The following SLC6A11 variants were observed in gnomAD, a reference collection of about 807,000 sequenced individuals.
The protein encoded by SLC6A11 is sodium- and chloride-dependent GABA transporter 3.
Under a neutral mutation model 74.8 loss-of-function variants are expected in SLC6A11, and 25 were observed. The ratio of observed to expected loss-of-function variants is 0.33; its 90% CI spans 0.24 to 0.47. The LOEUF is 0.47. Among genes scored for constraint, SLC6A11 ranks in the 20% least tolerant of loss-of-function variants. The pLI, the probability that SLC6A11 is intolerant of heterozygous loss-of-function variation, is 1.00. For missense variants in SLC6A11, 574 were observed against 837.0 expected (o/e 0.69, Z 3.88); for synonymous variants, 330 against 330.2 (o/e 1.00, Z 0.01).
At chr3:10,934,888 C>T in intron 12 of SLC6A11, 141 bp from the exon 13 acceptor site, 1 of 714,776 alleles carries the variant, frequency 1.4e-6, no homozygotes, top group Non-Finnish European at 2.4e-6. Flanking sequence ...CCTGGCAGGG[C>T]CTCACTTTTC....
intron 7 of SLC6A11, 141 bp downstream of exon 7, chr3:10,912,334 G>A (rs1434454437): frequency 7.7e-6 from 5 of 647,576 alleles, no homozygotes; most frequent in African/African-American, 1.8e-5. Flanking sequence ...TCCCACTACC[G>A]AAGGGTCAAA....
At chr3:10,850,367 C>T (rs951583496) in intron 5 of SLC6A11, among the ~76,000 whole-genome samples, 9 of 152,230 alleles carry the variant, frequency 5.9e-5, no homozygotes, top group African/African-American at 2.2e-4. Context: ...CATTCACTCA[C>T]CCAGCAAGTG....
chr3:10,888,547 A>C (rs1695070822), intron 6 of SLC6A11, among the ~76,000 whole-genome samples: 2 of 152,236 alleles, frequency 1.3e-5, no homozygotes, highest in Non-Finnish European at 1.5e-5. Flanking sequence ...CACAGTAAGG[A>C]GACAGTGGAG....
intron 1 of SLC6A11, 22 bp from the exon 2 acceptor site, chr3:10,819,443 T>TCATTCCTTTGC: frequency 6.3e-7 from 1 of 1,599,064 alleles, no homozygotes; most frequent in Non-Finnish European, 8.5e-7. Context: ...AGTTTTCATT[T>TCATTCCTTTGC]CATTCCTTTG....
intron 5 of SLC6A11, among the ~76,000 whole-genome samples, chr3:10,864,272 TG>T (rs1387207974): frequency 1.3e-5 from 2 of 151,594 alleles, no homozygotes; most frequent in African/African-American, 4.8e-5. Context: ...AGCTCTTAGA[TG>T]TTAGATTTCT....
intron 4 of SLC6A11, among the ~76,000 whole-genome samples, chr3:10,830,351 G>C (rs1229063305): frequency 6.6e-6 from 1 of 152,210 alleles, no homozygotes; most frequent in Non-Finnish European, 1.5e-5. Context: ...TTAGATCCTA[G>C]GGGCTAAGGG....
Position 10,934,011 on chromosome 3 carries a change from C to A in SLC6A11, c.1475-55C>A. ...AACACTCCTAGCCATTCCTCTGACTCATGTACAAAACTTCTCTGGGGTGTG... is the reference window on the plus strand; with the variant it reads ...AACACTCCTAGCCATTCCTCTGACTAATGTACAAAACTTCTCTGGGGTGTG... On this transcript the variant is annotated intron_variant, in intron 11 of 13. Coordinates refer to ENST00000254488, the MANE Select transcript of SLC6A11 (RefSeq NM_014229.3). The A allele has an allele frequency of 5.9e-6, 7 of 1,186,748 alleles. No homozygotes were observed. In the South Asian group the frequency reaches 8.7e-5, roughly 15 times the overall value. 73.5% of individuals were successfully genotyped at this position (1,186,748 alleles called of 1,614,324 possible).
At chr3:10,923,190 C>T (rs1400929317) in intron 8 of SLC6A11, among the ~76,000 whole-genome samples, 1 of 151,244 alleles carries the variant, frequency 6.6e-6, no homozygotes, top group Admixed American at 6.6e-5. Context: ...AGCAATAATA[C>T]TCCACAGTTA....
At chr3:10,856,989 A>C (rs540848254) in intron 5 of SLC6A11, among the ~76,000 whole-genome samples, 1 of 152,164 alleles carries the variant, frequency 6.6e-6, no homozygotes, top group Admixed American at 6.5e-5. Flanking sequence ...GAACACCCCA[A>C]TGTTAGTCTC....
intron 4 of SLC6A11, 98 bp downstream of exon 4, chr3:10,823,490 T>C (rs1418276938): frequency 3.8e-6 from 3 of 793,736 alleles, no homozygotes; most frequent in Non-Finnish European, 6.6e-6. Flanking sequence ...GCCTGATCCT[T>C]CTTGCAGCCT....
intron 6 of SLC6A11, among the ~76,000 whole-genome samples, chr3:10,879,294 C>G (rs1694947139): frequency 6.6e-6 from 1 of 152,128 alleles, no homozygotes; most frequent in South Asian, 2.1e-4. Flanking sequence ...TGCTGATTTT[C>G]TGTGGCATAA....
chr3:10,851,620 C>T (rs1694577359), intron 5 of SLC6A11, among the ~76,000 whole-genome samples: 1 of 152,240 alleles, frequency 6.6e-6, no homozygotes, highest in Admixed American at 6.5e-5. Context: ...GGCCCTGCTC[C>T]AAGGCCTTAA....
chr3:10,853,414 G>A (rs145493729), intron 5 of SLC6A11, among the ~76,000 whole-genome samples: 7 of 152,292 alleles, frequency 4.6e-5, no homozygotes, highest in Admixed American at 6.5e-5. Flanking sequence ...CAGTGCAGTC[G>A]GGATTGATGT....
intron 5 of SLC6A11, among the ~76,000 whole-genome samples, chr3:10,867,730 A>G (rs1315059293): frequency 1.3e-5 from 2 of 152,234 alleles, no homozygotes; most frequent in Admixed American, 6.5e-5. Context: ...AGAGCATCCA[A>G]TTACGAAGTG....
At chr3:10,873,413 T>TGGCATGCCATCCTACCCTAC (rs1405313069) in intron 5 of SLC6A11, among the ~76,000 whole-genome samples, 8 of 149,322 alleles carry the variant, frequency 5.4e-5, no homozygotes, top group African/African-American at 2.0e-4. Context: ...TCCTATCCTA[T>TGGCATGCCATCCTACCCTAC]CCTATCCTAT....
chr3:10,887,923 A>G (rs1260480162), intron 6 of SLC6A11, among the ~76,000 whole-genome samples: 3 of 152,238 alleles, frequency 2.0e-5, no homozygotes, highest in Non-Finnish European at 4.4e-5. Context: ...CAGTAGACTG[A>G]AGCCTCTTCA....
chr3:10,901,562 G>A (rs1001946979), intron 6 of SLC6A11, among the ~76,000 whole-genome samples: 11 of 152,176 alleles, frequency 7.2e-5, no homozygotes, highest in Non-Finnish European at 1.0e-4. Context: ...TTCCAGTTGG[G>A]CTTACAGGCC....
chr3:10,893,940 A>G (rs1221333939), intron 6 of SLC6A11, among the ~76,000 whole-genome samples: 1 of 152,210 alleles, frequency 6.6e-6, no homozygotes, highest in Non-Finnish European at 1.5e-5. Flanking sequence ...TTAGTTTTAC[A>G]GCTCAACCCA....
chr3:10,838,442 C>T (rs1419656403), intron 4 of SLC6A11, among the ~76,000 whole-genome samples: 2 of 152,222 alleles, frequency 1.3e-5, no homozygotes, highest in Non-Finnish European at 2.9e-5. Context: ...ATCAGAAGAA[C>T]TTGGTTTCAA....
Sources: gnomAD v4.1 joint callset for allele counts (sites outside exome capture counted in the v4.1 genomes callset) on GRCh38, gnomAD v4.1.1 for gene constraint, MANE v1.5 for transcripts, NCBI Gene and HGNC (gene_info 2026-07-23, HGNC 2026-07-21) for gene names.